The following NOS2 variants were observed in gnomAD, a reference collection of about 807,000 sequenced individuals.
The protein encoded by NOS2 is nitric oxide synthase 2.
In NOS2, 96 loss-of-function variants were observed where a neutral mutation model predicts 136.0. The ratio of observed to expected loss-of-function variants is 0.71; its 90% CI spans 0.60 to 0.84. The LOEUF (loss-of-function observed/expected upper bound fraction) is 0.84, where lower values mean the gene tolerates loss of function less well. Ranked by LOEUF, NOS2 falls within the 40% of genes least tolerant of loss-of-function variation. The probability of loss-of-function intolerance (pLI) is 0.00; values close to 1 mark genes in which losing one functional copy is unlikely to be tolerated. For missense variants in NOS2, 1,237 were observed against 1,496.9 expected (o/e 0.83, Z 2.87); for synonymous variants, 539 against 587.5 (o/e 0.92, Z 1.20).
chr17:27,767,480 G>A (rs533328263), intron 18 of NOS2, among the ~76,000 whole-genome samples: 4 of 152,356 alleles, frequency 2.6e-5, no homozygotes, highest in Admixed American at 6.5e-5. Context: ...GGCCCTTGGC[G>A]GATGCTGATC....
intron 16 of NOS2, 62 bp from the exon 17 acceptor site, chr17:27,769,213 C>A: frequency 6.8e-7 from 1 of 1,479,960 alleles, no homozygotes; most frequent in Non-Finnish European, 9.1e-7. Flanking sequence ...ACCCAGCACC[C>A]AGCACCAACA....
At chr17:27,784,313 C>T (rs556947510) in intron 5 of NOS2, among the ~76,000 whole-genome samples, 3 of 152,208 alleles carry the variant, frequency 2.0e-5, no homozygotes, top group East Asian at 3.9e-4. Context: ...AAGAGTGTCT[C>T]GACAACTTTT....
chr17:27,786,898 T>C (rs981285129), intron 5 of NOS2, among the ~76,000 whole-genome samples: 12 of 152,174 alleles, frequency 7.9e-5, no homozygotes, highest in African/African-American at 2.9e-4. Flanking sequence ...CAAATGACAA[T>C]TAAAAATCTT....
chr17:27,787,606 AG>A, intron 5 of NOS2, 71 bp downstream of exon 5: 1 of 1,159,928 alleles, frequency 8.6e-7, no homozygotes, highest in East Asian at 2.4e-5. Context: ...CTAGGATCAG[AG>A]GGTGATGGGT....
At chr17:27,770,565 C>T (rs1191035415) in intron 15 of NOS2, among the ~76,000 whole-genome samples, 1 of 152,194 alleles carries the variant, frequency 6.6e-6, no homozygotes, top group African/African-American at 2.4e-5. Context: ...AGGCCTTGGC[C>T]AGGGAATAGT....
rs369002962 is a variant in NOS2, at chr17:27,766,509, C to G, written c.2246+1G>C. On this transcript the variant is annotated splice_donor_variant, in intron 19 of 26. Coordinates refer to ENST00000313735, the MANE Select transcript of NOS2 (RefSeq NM_000625.4). LOFTEE classifies it high-confidence loss of function. ...CCACGAAGCCCTGCACTTTCCCTTA[C>G]CTGGATGTCGGACTTTGTAGATTCT... is the stretch of plus-strand genomic sequence containing the variant. 3.1e-6 allele frequency: 5 copies of G among 1,613,022 alleles called. No individual in the cohort carries two copies. The African/African-American group carries it at 6.7e-5, about 22-fold the overall frequency.
chr17:27,782,592 C>T (rs1283455549), intron 6 of NOS2, among the ~76,000 whole-genome samples: 1 of 152,230 alleles, frequency 6.6e-6, no homozygotes, highest in African/African-American at 2.4e-5. Flanking sequence ...ATAAAATGTT[C>T]TCTTGGAGCC....
chr17:27,791,769 G>GGAAAAAAAAAAAA (rs1909192542), intron 2 of NOS2, among the ~76,000 whole-genome samples: 1 of 110,960 alleles, frequency 9.0e-6, no homozygotes, highest in African/African-American at 3.8e-5. Context: ...TGGCCTGCCA[G>GGAAAAAAAAAAAA]AAAAAAACAA....
At chr17:27,777,630 G>T (rs1908700773) in intron 11 of NOS2, among the ~76,000 whole-genome samples, 1 of 152,188 alleles carries the variant, frequency 6.6e-6, no homozygotes, top group Admixed American at 6.5e-5. Context: ...ATTCTTCAAA[G>T]ACAAATTATT....
chr17:27,772,205 C>A, intron 14 of NOS2, 103 bp downstream of exon 14: 1 of 1,313,298 alleles, frequency 7.6e-7, no homozygotes. Flanking sequence ...ATTACCACAT[C>A]CAAGACTCTG....
At chr17:27,789,039 T>A (rs1909110445) in intron 3 of NOS2, 108 bp from the exon 4 acceptor site, 2 of 1,360,726 alleles carry the variant, frequency 1.5e-6, no homozygotes, top group Non-Finnish European at 2.0e-6. Flanking sequence ...GGGCAGGGTG[T>A]CCCTCCACGT....
chr17:27,796,215 C>T (rs2142531283), intron 2 of NOS2, among the ~76,000 whole-genome samples: 3 of 152,214 alleles, frequency 2.0e-5, no homozygotes, highest in Middle Eastern at 6.8e-3. Flanking sequence ...TTTGGGAGGC[C>T]AAGGCAGGAG....
intron 2 of NOS2, among the ~76,000 whole-genome samples, chr17:27,792,873 C>T (rs550484987): frequency 2.0e-5 from 3 of 150,864 alleles, no homozygotes; most frequent in South Asian, 2.1e-4. Context: ...GCCTGTAGTC[C>T]CAGCTACTCA....
rs1160257919 is a variant in NOS2 at position 27,760,041 on chromosome 17, C to G, written c.3148G>C (p.Gly1050Arg). The part of the protein sequence containing the change: ...AVHTAYSRLP[G>R]KPKVYVQDIL... ...GAGGCTGCATTTACCTTGGGCTTGC[C>G]AGGCAGGCGGGAATAGGCTGTGTGC... is the stretch of plus-strand genomic sequence containing the variant. Residue 1050 changes from glycine (G) to arginine (R), a missense_variant, in exon 25 of 27, where the codon GGC becomes CGC. Around this residue, in one of 3 missense-constraint regions of NOS2, gnomAD observed 782 missense variants for 909.9 expected, o/e 0.86. Transcript: ENST00000313735. 1 of 1,535,238 alleles carries G rather than the reference C, an allele frequency of 6.5e-7. No individual in the cohort carries two copies.
intron 4 of NOS2, 48 bp downstream of exon 4, chr17:27,788,760 CT>C (rs1175451108): frequency 6.3e-7 from 1 of 1,583,118 alleles, no homozygotes; most frequent in Non-Finnish European, 8.6e-7. Context: ...GCCCTGGCAG[CT>C]TCACCAGCTT....
At chr17:27,780,678 A>C (rs1347029417) in intron 9 of NOS2, 89 bp downstream of exon 9, 2 of 1,547,600 alleles carry the variant, frequency 1.3e-6, no homozygotes, top group East Asian at 2.3e-5. Flanking sequence ...GCTTTAGGGA[A>C]GGTATGGGGA....
At chr17:27,774,188 G>T in intron 12 of NOS2, 69 bp downstream of exon 12, 1 of 1,084,952 alleles carries the variant, frequency 9.2e-7, no homozygotes, top group Non-Finnish European at 1.2e-6. Context: ...ACAATGAGGT[G>T]CACACACACA....
chr17:27,781,223 G>C (rs1167882659), intron 7 of NOS2, 46 bp from the exon 8 acceptor site: 2 of 1,566,496 alleles, frequency 1.3e-6, no homozygotes, highest in Non-Finnish European at 1.7e-6. Flanking sequence ...GCCCTGGTGG[G>C]GGCCCAGCCA....
Position 27,769,065 on chromosome 17 carries a change from C to T in NOS2, c.1946G>A (p.Gly649Glu), listed in dbSNP as rs1567635491. 1 of 1,612,826 alleles carries T rather than the reference C, an allele frequency of 6.2e-7. No individual in the cohort carries two copies. The highest frequency in any genetic ancestry group is 8.5e-7 in the Non-Finnish European group (1 of 1,179,654). The change falls in exon 17 of 27, where the codon GGG (glycine) becomes GAG (glutamate). Residue 649 changes from glycine to glutamate, a missense_variant. Around this residue, in one of 3 missense-constraint regions of NOS2, gnomAD observed 782 missense variants for 909.9 expected, o/e 0.86. Transcript: ENST00000313735. ...TCCCATCGGGGTGAGCTGAGAGGCC[C>T]CCAGGTGGGACAGCTTCTGATCAAT... is the stretch of plus-strand genomic sequence containing the variant. ...HDIDQKLSHLGASQLTPMGEG... is the reference protein window; with the variant it reads ...HDIDQKLSHLEASQLTPMGEG...
Sources: gnomAD v4.1 joint callset for allele counts (sites outside exome capture counted in the v4.1 genomes callset) on GRCh38, gnomAD v4.1.1 for gene constraint, gnomAD v4.1.1 regional missense constraint, MANE v1.5 for transcripts, NCBI Gene and HGNC (gene_info 2026-07-23, HGNC 2026-07-21) for gene names.